Variants in TRIM24 observed in about 807,000 individuals in gnomAD.
The protein encoded by TRIM24 is transcription intermediary factor 1-alpha.
Under a neutral mutation model 123.9 loss-of-function variants are expected in TRIM24, and 29 were observed. That is an observed-to-expected ratio of 0.23 (90% confidence interval 0.17 to 0.32). The LOEUF (loss-of-function observed/expected upper bound fraction) is 0.32. Ranked by LOEUF, TRIM24 falls within the 10% of genes least tolerant of loss-of-function variation. The pLI, the probability that TRIM24 is intolerant of heterozygous loss-of-function variation, is 1.00. For synonymous variants in TRIM24, 456 were observed against 461.1 expected (o/e 0.99, Z 0.14); for missense variants, 932 against 1,295.3 (o/e 0.72, Z 4.31).
Position 138,564,056 on chromosome 7 carries a change from G to A in TRIM24, c.1531-3425G>A, listed in dbSNP as rs554189092. On this transcript the variant is annotated intron_variant, in intron 9 of 18. Transcript: ENST00000343526. ...GAGGAGCTGCCTACAGTCTGGCCAC[G>A]TAGGATTGTGTGTCTGGAAGATGGA... is the stretch of plus-strand genomic sequence containing the variant. Among the ~76,000 whole-genome samples, 278 of 152,334 alleles carry A rather than the reference G, an allele frequency of 1.8e-3. 2 individuals are homozygous for A. The highest frequency in any genetic ancestry group is 0.013 in the South Asian group (65 of 4,832).
rs551786822 is a variant in TRIM24, at chr7:138,586,018, G to C, written c.*1067G>C. The stretch of plus-strand genomic sequence containing the variant: ...ATAGTGATTTTTTTTTTTTCCTGAA[G>C]CATCTATCTCATGTTTTTCTTTTGA... On this transcript the variant is annotated 3_prime_UTR_variant, in exon 19 of 19. Transcript: ENST00000343526. 3.2e-4 allele frequency: 144 copies of C among 449,302 alleles called. No individual in the cohort carries two copies. The highest frequency in any genetic ancestry group is 2.9e-3 in the African/African-American group (141 of 48,760). The allele number at this position is 449,302 out of a possible 1,614,324, so 27.8% of individuals were successfully genotyped here. A position where few individuals can be genotyped will look rare whatever the true frequency, so the allele number is the denominator to read the frequency against.
intron 14 of TRIM24, among the ~76,000 whole-genome samples, chr7:138,578,865 T>C (rs1410075558): frequency 6.6e-6 from 1 of 152,112 alleles, no homozygotes; most frequent in Non-Finnish European, 1.5e-5. Context: ...AAAGTTTAGA[T>C]TCATCTTATA....
intron 9 of TRIM24, among the ~76,000 whole-genome samples, chr7:138,565,377 T>C (rs6954285): frequency 0.77 from 116,489 of 151,926 alleles, 44,898 homozygotes; most frequent in Non-Finnish European, 0.79. Flanking sequence ...TGCCTCGGGC[T>C]CAAACCTTAC....
intron 1 of TRIM24, among the ~76,000 whole-genome samples, chr7:138,463,052 T>TTG (rs1427959680): frequency 1.5e-5 from 2 of 132,384 alleles, no homozygotes; most frequent in East Asian, 2.1e-4. Context: ...TGTTTTTTTT[T>TTG]TTTTTTTTTT....
rs189587436 is a variant in TRIM24, at chr7:138,494,709, T to G, written c.365-9581T>G. On this transcript the variant is annotated intron_variant, in intron 1 of 18. Transcript: ENST00000343526. ...AAAATCCAAATGTTTGTTAACATAC[T>G]CTATTTGAGACTTTGAGAAACTGGA... Among the ~76,000 whole-genome samples the G allele has an allele frequency of 2.2e-3, 340 of 152,298 alleles. 1 individual carries two copies. Among genetic ancestry groups the G allele is most frequent in the African/African-American group, 8.0e-3 (331 of 41,584 alleles).
chr7:138,488,058 T>C (rs756146206), intron 1 of TRIM24, among the ~76,000 whole-genome samples: 13 of 152,066 alleles, frequency 8.5e-5, no homozygotes, highest in Non-Finnish European at 1.5e-5. Context: ...AACTTCTTCC[T>C]GGTTTAGTCT....
At chr7:138,485,133 C>T (rs1455150355) in intron 1 of TRIM24, among the ~76,000 whole-genome samples, 3 of 151,948 alleles carry the variant, frequency 2.0e-5, no homozygotes, top group Non-Finnish European at 2.9e-5. Flanking sequence ...ATACATTAAT[C>T]GTTCTGTTTC....
intron 1 of TRIM24, among the ~76,000 whole-genome samples, chr7:138,501,509 G>A (rs1230023368): frequency 6.6e-6 from 1 of 152,044 alleles, no homozygotes; most frequent in African/African-American, 2.4e-5. Flanking sequence ...AGGATTACAG[G>A]TGTGAGCCAC....
chr7:138,497,393 CTTTTT>C (rs869232002), intron 1 of TRIM24, among the ~76,000 whole-genome samples: 5 of 88,334 alleles, frequency 5.7e-5, no homozygotes, highest in African/African-American at 1.4e-4. Context: ...ATTACAATTT[CTTTTT>C]TTTTTTTTTT....
chr7:138,476,212 T>C (rs1472541040), intron 1 of TRIM24, among the ~76,000 whole-genome samples: 1 of 152,248 alleles, frequency 6.6e-6, no homozygotes, highest in Admixed American at 6.5e-5. Context: ...CTTAGGGTCA[T>C]CTATTGCATA....
At chr7:138,482,942 C>T (rs1301592896) in intron 1 of TRIM24, among the ~76,000 whole-genome samples, 1 of 151,528 alleles carries the variant, frequency 6.6e-6, no homozygotes, top group Non-Finnish European at 1.5e-5. Context: ...TTTTGAGCCA[C>T]AGTCTCCTTC....
At chr7:138,475,416 C>G (rs980906956) in intron 1 of TRIM24, among the ~76,000 whole-genome samples, 1 of 152,140 alleles carries the variant, frequency 6.6e-6, no homozygotes, top group Non-Finnish European at 1.5e-5. Context: ...CTCACTGTGA[C>G]AGAATTGAGA....
At chr7:138,508,730 T>TGTGTGTGC (rs1324570935) in intron 2 of TRIM24, among the ~76,000 whole-genome samples, 3 of 149,962 alleles carry the variant, frequency 2.0e-5, no homozygotes, top group African/African-American at 7.4e-5. Flanking sequence ...CGTGTGTGTG[T>TGTGTGTGC]GTGTGTGTGT....
chr7:138,548,513 G>A (rs1797145691), intron 7 of TRIM24, among the ~76,000 whole-genome samples: 1 of 152,088 alleles, frequency 6.6e-6, no homozygotes, highest in East Asian at 1.9e-4. Context: ...CAAGTGAGTA[G>A]AATGATGAAT....
chr7:138,479,735 C>T (rs542528008), intron 1 of TRIM24, among the ~76,000 whole-genome samples: 181 of 150,644 alleles, frequency 1.2e-3, no homozygotes, highest in Non-Finnish European at 2.1e-3. Flanking sequence ...CTCGAACTCC[C>T]GATCTCAGGT....
In TRIM24 at chr7:138,463,043, GTTTTTTTTTTTTTTTT is replaced by G. The variant is rs57719141; in HGVS notation, c.364+2142_364+2157del. Among the ~76,000 whole-genome samples the G allele has an allele frequency of 1.3e-4, 8 of 60,132 alleles. 1 individual carries two copies. The Admixed American group carries it at 1.7e-3, about 13-fold the overall frequency. 39.4% of individuals were successfully genotyped at this position (60,132 alleles called of 152,430 possible). On this transcript the variant is annotated intron_variant, in intron 1 of 18. Coordinates refer to ENST00000343526, the MANE Select transcript of TRIM24 (RefSeq NM_015905.3). ...CGCCACCACGTCCGGCTAATTTTGT[GTTTTTTTTTTTTTTTT>G]TTTTTTTTTTGGTAGAGGCGGGGTT...
chr7:138,461,781 CACCTCCTTTTTAAA>C (rs1032901085), intron 1 of TRIM24, among the ~76,000 whole-genome samples: 1 of 152,120 alleles, frequency 6.6e-6, no homozygotes, highest in African/African-American at 2.4e-5. Context: ...AATATTTGAG[CACCTCCTTTTTAAA>C]AATACAGTGT....
chr7:138,540,377 CG>C lies in TRIM24; in HGVS notation c.1143+1576del, dbSNP rs373762678. Among the ~76,000 whole-genome samples the C allele has an allele frequency of 3.4e-3, 520 of 152,298 alleles. 3 individuals carry two copies. The highest frequency in any genetic ancestry group is 0.012 in the African/African-American group (496 of 41,564). ...TCAGTCCTCTCAAAGCCAGTAGCTG[CG>C]GTATCACCTAAGTTTATGGAATATT... On this transcript the variant is annotated intron_variant, in intron 7 of 18. Transcript: ENST00000343526.
At chr7:138,535,322 A>G (rs892516766) in intron 6 of TRIM24, among the ~76,000 whole-genome samples, 6 of 152,144 alleles carry the variant, frequency 3.9e-5, no homozygotes, top group African/African-American at 1.4e-4. Context: ...AGTGGTCTTT[A>G]TGATTTGGCA....
Sources: gnomAD v4.1 joint callset for allele counts (sites outside exome capture counted in the v4.1 genomes callset) on GRCh38, gnomAD v4.1.1 for gene constraint, MANE v1.5 for transcripts, NCBI Gene and HGNC (gene_info 2026-07-23, HGNC 2026-07-21) for gene names.